The following MAP3K4 variants were observed in gnomAD, a reference collection of about 807,000 sequenced individuals.
The protein encoded by MAP3K4 is MAP three kinase 1.
Under a neutral mutation model 185.6 loss-of-function variants are expected in MAP3K4, and 67 were observed. That is an observed-to-expected ratio of 0.36 (90% CI 0.30 to 0.44). The LOEUF is 0.44. Ranked by LOEUF, MAP3K4 falls within the 20% of genes least tolerant of loss-of-function variation. The pLI, the probability that MAP3K4 is intolerant of heterozygous loss-of-function variation, is 1.00. For synonymous variants in MAP3K4, 702 were observed against 710.4 expected, an observed-to-expected ratio of 0.99 and a Z score of 0.19; for missense variants, 1,551 against 1,995.1, an observed-to-expected ratio of 0.78 and a Z score of 4.24.
In MAP3K4 at chr6:161,091,418, A is replaced by G. The variant is rs1390885197; in HGVS notation, c.3013A>G (p.Ile1005Val). The G allele has an allele frequency of 2.5e-6, 4 of 1,614,016 alleles. No homozygotes were observed. The highest frequency in any genetic ancestry group is 1.1e-5 in the South Asian group (1 of 91,082). ...GCTATGCAACAGGATAAGCAATGCC[A>G]TTGACCGCGTGGACCACATGTTCAC... ...LELCNRISNA[I>V]DRVDHMFTSE... is the part of the protein sequence containing the mutation. The change falls in exon 12 of 27, where the codon ATT becomes GTT. Residue 1005 changes from isoleucine to valine, a missense_variant. Ile to Val is a conservative substitution (Grantham distance 29). Transcript: ENST00000392142. This position sits in a 1 kb window ranked among gnomAD's most constrained non-coding sequence, Gnocchi z 5.5.
chr6:161,080,109 G>A lies in MAP3K4; in HGVS notation c.2098-772G>A, dbSNP rs1359953583. ...GAGTCACACTCGGGGTTGGAAGGGAGTGGAGTGATGTCTGAAAAGTTCCGA... is the reference window on the plus strand; with the variant it reads ...GAGTCACACTCGGGGTTGGAAGGGAATGGAGTGATGTCTGAAAAGTTCCGA... On this transcript the variant is annotated intron_variant, in intron 5 of 26. Coordinates refer to ENST00000392142, the MANE Select transcript of MAP3K4 (RefSeq NM_005922.4). The surrounding 1 kb of genome is among the most constrained non-coding windows in gnomAD (Gnocchi z 4.8). Among the ~76,000 whole-genome samples the A allele has an allele frequency of 6.6e-6, 1 of 152,180 alleles. No individual in the cohort carries two copies. Among genetic ancestry groups the A allele is most frequent in the African/African-American group, 2.4e-5 (1 of 41,450 alleles).
rs754130152 is a variant in MAP3K4, at chr6:161,100,856, C to T, written c.3675-1036C>T. On this transcript the variant is annotated intron_variant, in intron 17 of 26. Coordinates refer to ENST00000392142, the MANE Select transcript of MAP3K4 (RefSeq NM_005922.4). The surrounding 1 kb of genome is among the most constrained non-coding windows in gnomAD (Gnocchi z 5.8). ...CAGTGGTTTTCCCGTCAGATAGTGC[C>T]GAATTTTTTATGAACTATATGGCAG... Among the ~76,000 whole-genome samples, 4 of 151,950 alleles carry T rather than the reference C, an allele frequency of 2.6e-5. No individual in the cohort carries two copies. The highest frequency in any genetic ancestry group is 4.4e-5 in the Non-Finnish European group (3 of 68,008).
chr6:161,110,847 T>C lies in MAP3K4; in HGVS notation c.4396+933T>C, dbSNP rs934426057. Among the ~76,000 whole-genome samples, 2 of 152,166 alleles carry C rather than the reference T, an allele frequency of 1.3e-5. No homozygotes were observed. The highest frequency in any genetic ancestry group is 2.9e-5 in the Non-Finnish European group (2 of 68,022). ...TCATCCTGATGTTGGCTTAACTGGC[T>C]CTGTACCAGGCCGTAGCACTGCCTA... is the stretch of plus-strand genomic sequence containing the variant. On this transcript the variant is annotated intron_variant, in intron 23 of 26. Transcript: ENST00000392142. The surrounding 1 kb of genome is among the most constrained non-coding windows in gnomAD (Gnocchi z 4.8).
At chr6:161,105,778 G>T (rs1042359741) in intron 19 of MAP3K4, among the ~76,000 whole-genome samples, 5 of 152,092 alleles carry the variant, frequency 3.3e-5, no homozygotes, top group Non-Finnish European at 7.4e-5. Flanking sequence ...AATTCTGCAG[G>T]GGTTTGGATA....
At position 161,049,361 on chromosome 6, in the gene MAP3K4, C is replaced by T. The variant is rs2114762273; in HGVS notation, c.1089C>T (p.Tyr363=). The T allele has an allele frequency of 6.2e-7, 1 of 1,614,132 alleles. No homozygotes were observed. Among genetic ancestry groups the T allele is most frequent in the Middle Eastern group, 1.6e-4 (1 of 6,062 alleles). ...AACGGATAATGGAGCTGCTAGAGTA[C>T]ATAGAAGCACTTTATCCATCATTGC... is the stretch of plus-strand genomic sequence containing the variant. The part of the protein sequence containing the change: ...QVKRIMELLE[Y]IEALYPSLQA... The change falls in exon 3 of 27, where the codon TAC becomes TAT. Residue 363 remains tyrosine, a synonymous_variant. Coordinates refer to ENST00000392142, the MANE Select transcript of MAP3K4 (RefSeq NM_005922.4). The surrounding 1 kb of genome is among the most constrained non-coding windows in gnomAD (Gnocchi z 8.4).
At position 161,089,442 on chromosome 6, in the gene MAP3K4, G is replaced by C; in HGVS notation, c.2944G>C (p.Val982Leu). ...LCQEQTSSQP[V>L]IAKALQQLKN... ...CCAGGAGCAGACATCCAGTCAGCCG[G>C]TCATCGCCAAAGCTTTGCAGCAGCT... The change falls in exon 11 of 27, where the codon GTC becomes CTC. Residue 982 changes from valine to leucine, a missense_variant. By Grantham distance (32) the Val-to-Leu change is conservative. Coordinates refer to ENST00000392142, the MANE Select transcript of MAP3K4 (RefSeq NM_005922.4). 6.2e-7 allele frequency: 1 copy of C among 1,614,174 alleles called. No homozygotes were observed. The highest frequency in any genetic ancestry group is 8.5e-7 in the Non-Finnish European group (1 of 1,180,032).
intron 3 of MAP3K4, among the ~76,000 whole-genome samples, chr6:161,065,514 T>C (rs1215071481): frequency 6.6e-6 from 1 of 152,230 alleles, no homozygotes; most frequent in African/African-American, 2.4e-5. Flanking sequence ...AATATTTCAT[T>C]CTAGAACTCG....
At position 161,077,507 on chromosome 6, in the gene MAP3K4, A is replaced by C. The variant is rs1329956422; in HGVS notation, c.2098-3374A>C. 1.3e-5 allele frequency among the ~76,000 whole-genome samples: 2 copies of C among 152,208 alleles called. No homozygotes were observed. Among genetic ancestry groups the C allele is most frequent in the African/African-American group, 2.4e-5 (1 of 41,438 alleles). On this transcript the variant is annotated intron_variant, in intron 5 of 26. Transcript: ENST00000392142. This position sits in a 1 kb window ranked among gnomAD's most constrained non-coding sequence, Gnocchi z 4.3. Reference sequence around the variant, plus strand: ...CCGCTTGGGAAAGGAGCCTGGCAAGAGCAAGGCACCGCAGGCAGCCTGTGG... The same window carrying C: ...CCGCTTGGGAAAGGAGCCTGGCAAGCGCAAGGCACCGCAGGCAGCCTGTGG...
chr6:161,104,709 C>A (rs866094360), intron 19 of MAP3K4, among the ~76,000 whole-genome samples: 299 of 121,512 alleles, frequency 2.5e-3, no homozygotes, highest in Middle Eastern at 4.0e-3. Context: ...GACTCCATCT[C>A]AAAAAAAAAA....
In MAP3K4 at chr6:161,080,147, G is replaced by A. The variant is rs558063922; in HGVS notation, c.2098-734G>A. On this transcript the variant is annotated intron_variant, in intron 5 of 26. Transcript: ENST00000392142. The surrounding 1 kb of genome is among the most constrained non-coding windows in gnomAD (Gnocchi z 4.8). ...TGAAAAGTTCCGAGAGAGAATGTGTGACTCAAATATCTCCTACCCCGTCAA... is the reference window on the plus strand; with the variant it reads ...TGAAAAGTTCCGAGAGAGAATGTGTAACTCAAATATCTCCTACCCCGTCAA... 3.9e-5 allele frequency among the ~76,000 whole-genome samples: 6 copies of A among 152,254 alleles called. No homozygotes were observed. The East Asian group carries it at 1.2e-3, about 29-fold the overall frequency.
At chr6:161,050,533 T>C (rs1783956229) in intron 3 of MAP3K4, among the ~76,000 whole-genome samples, 1 of 152,244 alleles carries the variant, frequency 6.6e-6, no homozygotes, top group Admixed American at 6.5e-5. Context: ...TCGGTGCAGG[T>C]GATGAAAGTT....
In MAP3K4 at chr6:161,034,886, C is replaced by T. The variant is rs1783091828; in HGVS notation, c.343+437C>T. Among the ~76,000 whole-genome samples the T allele has an allele frequency of 1.3e-5, 2 of 152,176 alleles. No individual in the cohort carries two copies. Among genetic ancestry groups the T allele is most frequent in the South Asian group, 4.2e-4 (2 of 4,796 alleles). On this transcript the variant is annotated intron_variant, in intron 2 of 26. Transcript: ENST00000392142. This position sits in a 1 kb window ranked among gnomAD's most constrained non-coding sequence, Gnocchi z 4.4. Reference sequence around the variant, plus strand: ...ATTCCCTCTGCTCTCTGCTGGTGCCCCGGGGTGCTATCTTTAGTGTGTAGG... The same window carrying T: ...ATTCCCTCTGCTCTCTGCTGGTGCCTCGGGGTGCTATCTTTAGTGTGTAGG...
chr6:161,041,029 G>A (rs1263177840), intron 2 of MAP3K4, among the ~76,000 whole-genome samples: 1 of 152,224 alleles, frequency 6.6e-6, no homozygotes, highest in African/African-American at 2.4e-5. Context: ...GGAGCCACCT[G>A]GAGGAGAAGG....
chr6:161,006,832 A>G (rs1200568177), intron 1 of MAP3K4, among the ~76,000 whole-genome samples: 1 of 152,168 alleles, frequency 6.6e-6, no homozygotes, highest in Non-Finnish European at 1.5e-5. Context: ...ACGCAAATGT[A>G]ACATTCTCCA....
rs760137628 is a variant in MAP3K4, at chr6:160,992,022, C to T, written c.91C>T (p.Pro31Ser). 23 of 1,555,822 alleles carry T rather than the reference C, an allele frequency of 1.5e-5. No homozygotes were observed. The Admixed American group carries it at 4.3e-4, about 29-fold the overall frequency. Residue 31 changes from proline to serine, a missense_variant, in exon 1 of 27, where the codon CCG (proline) becomes TCG (serine). Around this residue, in one of 16 missense-constraint regions of MAP3K4, gnomAD observed 287 missense variants for 268.8 expected, o/e 1.07. Coordinates refer to ENST00000392142, the MANE Select transcript of MAP3K4 (RefSeq NM_005922.4). ...GGAGGAGCCGCCGCCACCGCCGCCG[C>T]CGCCACCACCGCCACCGGAACCCGA... ...AMEEPPPPPP[P>S]PPPPPEPETE...
chr6:161,048,875 T>C lies in MAP3K4; in HGVS notation c.603T>C (p.Ser201=), dbSNP rs2114760994. The change falls in exon 3 of 27, where the codon TCT becomes TCC. Residue 201 remains serine (S), a synonymous_variant. Transcript: ENST00000392142. This position sits in a 1 kb window ranked among gnomAD's most constrained non-coding sequence, Gnocchi z 4.7. ...GTAGCAATGCTAAGCTTCCAGTATCTGTGCCCATGCCTATAGCCAGACCTG... is the reference window on the plus strand; with the variant it reads ...GTAGCAATGCTAAGCTTCCAGTATCCGTGCCCATGCCTATAGCCAGACCTG... The part of the protein sequence containing the change: ...LGCSNAKLPV[S]VPMPIARPAR... 6.2e-7 allele frequency: 1 copy of C among 1,614,236 alleles called. No homozygotes were observed. Among genetic ancestry groups the C allele is most frequent in the East Asian group, 2.2e-5 (1 of 44,886 alleles).
intron 2 of MAP3K4, among the ~76,000 whole-genome samples, chr6:161,045,236 C>G (rs1253801565): frequency 1.3e-5 from 2 of 151,924 alleles, no homozygotes; most frequent in Non-Finnish European, 2.9e-5. Flanking sequence ...TGGGGGGGAA[C>G]AAAAAGCTTC....
intron 1 of MAP3K4, among the ~76,000 whole-genome samples, chr6:161,032,862 C>T (rs1416685789): frequency 2.0e-5 from 3 of 151,172 alleles, no homozygotes; most frequent in African/African-American, 7.4e-5. Flanking sequence ...GCATTTAACT[C>T]GCATGTCTTG....
Position 161,048,803 on chromosome 6 carries a change from A to G in MAP3K4, c.531A>G (p.Lys177=). ...LDSVGGSLPK[K]SIPDVDLNKP... is the part of the protein sequence containing the mutation. ...CAGTGGGTGGATCTTTGCCAAAAAA[A>G]TCAATTCCAGATGTGGATCTCAATA... The change falls in exon 3 of 27, where the codon AAA becomes AAG. Residue 177 remains lysine (K), a synonymous_variant. Coordinates refer to ENST00000392142, the MANE Select transcript of MAP3K4 (RefSeq NM_005922.4). This position sits in a 1 kb window ranked among gnomAD's most constrained non-coding sequence, Gnocchi z 4.7. 1.2e-6 allele frequency: 2 copies of G among 1,614,178 alleles called. No homozygotes were observed. The highest frequency in any genetic ancestry group is 1.7e-6 in the Non-Finnish European group (2 of 1,180,032).
Sources: gnomAD v4.1 joint callset for allele counts (sites outside exome capture counted in the v4.1 genomes callset) on GRCh38, gnomAD v4.1.1 for gene constraint, gnomAD v4.1.1 regional missense constraint, Gnocchi (gnomAD v3.1) non-coding constraint, MANE v1.5 for transcripts, NCBI Gene and HGNC (gene_info 2026-07-23, HGNC 2026-07-21) for gene names.